Variants in EFCAB13 observed in about 807,000 individuals in gnomAD.
EFCAB13 encodes EF-hand calcium-binding domain-containing protein 13.
Under a neutral mutation model 110.2 loss-of-function variants are expected in EFCAB13, and 91 were observed. The ratio of observed to expected loss-of-function variants is 0.83; its 90% CI spans 0.70 to 0.98. The LOEUF is 0.98. EFCAB13 is among the 50% of genes least tolerant of loss of function. EFCAB13 has a pLI of 0.00. For missense variants in EFCAB13, 968 were observed against 1,119.4 expected (o/e 0.86, Z 1.93); for synonymous variants, 323 against 369.9 (o/e 0.87, Z 1.45).
At chr17:47,413,006 A>G in intron 22 of EFCAB13, 90 bp downstream of exon 22, 1 of 1,353,458 alleles carries the variant, frequency 7.4e-7, no homozygotes, top group Non-Finnish European at 1.0e-6. Flanking sequence ...TAAGATGCTA[A>G]TGGGAGTCAT....
chr17:47,335,812 AACTC>A (rs2065346395), intron 5 of EFCAB13, among the ~76,000 whole-genome samples: 1 of 152,150 alleles, frequency 6.6e-6, no homozygotes, highest in Admixed American at 6.5e-5. Flanking sequence ...ATCTCATGAG[AACTC>A]ACTCAGTATC....
intron 9 of EFCAB13, among the ~76,000 whole-genome samples, chr17:47,351,310 C>T (rs62074456): frequency 0.71 from 93,200 of 131,488 alleles, 30,905 homozygotes; most frequent in Middle Eastern, 0.79. Context: ...TGTGTGCGCG[C>T]GCGCGCGCGC....
chr17:47,393,393 T>C (rs1440772139), intron 15 of EFCAB13, among the ~76,000 whole-genome samples: 1 of 152,200 alleles, frequency 6.6e-6, no homozygotes, highest in Admixed American at 6.5e-5. Flanking sequence ...GAAAATCTCT[T>C]GGACTTAAGT....
In EFCAB13 at chr17:47,429,798, C is replaced by T; in HGVS notation, c.2495-20C>T. On this transcript the variant is annotated intron_variant, in intron 23 of 24. Coordinates refer to ENST00000331493, the MANE Select transcript of EFCAB13 (RefSeq NM_152347.5). ...TCTATTTCTGCTGTTGAAACATTTGCTTTTGCTCTCCTTTTGCAGCTACAC... is the reference window on the plus strand; with the variant it reads ...TCTATTTCTGCTGTTGAAACATTTGTTTTTGCTCTCCTTTTGCAGCTACAC... 6.4e-7 allele frequency: 1 copy of T among 1,566,908 alleles called. No homozygotes were observed. Among genetic ancestry groups the T allele is most frequent in the Non-Finnish European group, 8.7e-7 (1 of 1,150,114 alleles).
intron 6 of EFCAB13, 147 bp from the exon 7 acceptor site, chr17:47,344,015 A>T: frequency 1.2e-6 from 1 of 865,010 alleles, no homozygotes; most frequent in Non-Finnish European, 1.6e-6. Flanking sequence ...AATGTAATTT[A>T]ATTACAAAAG....
chr17:47,375,083 CT>C (rs981987181), intron 12 of EFCAB13, 117 bp downstream of exon 12: 7,118 of 1,020,202 alleles, frequency 7.0e-3, no homozygotes, highest in South Asian at 8.3e-3. Flanking sequence ...ACCACCACTT[CT>C]TTTTTTTTTA....
chr17:47,370,751 T>G (rs1228634808), intron 11 of EFCAB13, among the ~76,000 whole-genome samples: 1 of 149,782 alleles, frequency 6.7e-6, no homozygotes, highest in African/African-American at 2.4e-5. Flanking sequence ...TTTTTTTTTT[T>G]TTTTTTTGAG....
chr17:47,427,724 T>C (rs943998216), intron 23 of EFCAB13, among the ~76,000 whole-genome samples: 12 of 152,082 alleles, frequency 7.9e-5, no homozygotes, highest in Non-Finnish European at 1.3e-4. Context: ...AATTAGCTCA[T>C]TGATGAGTCA....
chr17:47,414,974 G>A (rs1904387425), intron 23 of EFCAB13, 55 bp downstream of exon 23: 2 of 1,330,598 alleles, frequency 1.5e-6, no homozygotes, highest in African/African-American at 3.0e-5. Flanking sequence ...ATTTAAAAAT[G>A]ACATTTAAAA....
At chr17:47,397,537 GC>G (rs2065747937) in intron 17 of EFCAB13, among the ~76,000 whole-genome samples, 1 of 150,678 alleles carries the variant, frequency 6.6e-6, no homozygotes, top group Non-Finnish European at 1.5e-5. Flanking sequence ...GAGCATCTCT[GC>G]CCGGCCGCCA....
At chr17:47,404,530 T>A in intron 19 of EFCAB13, 32 bp from the exon 20 acceptor site, 1 of 1,572,854 alleles carries the variant, frequency 6.4e-7, no homozygotes, top group South Asian at 1.1e-5. Flanking sequence ...GTCTAGGGGT[T>A]CTTGTTTGTC....
chr17:47,407,079 T>C, intron 20 of EFCAB13, among the ~76,000 whole-genome samples: 1 of 152,270 alleles, frequency 6.6e-6, no homozygotes, highest in African/African-American at 2.4e-5. Context: ...TGGGTGAAGT[T>C]AGCTGACAGG....
chr17:47,411,650 G>T (rs1295455820), intron 21 of EFCAB13, among the ~76,000 whole-genome samples: 1 of 152,206 alleles, frequency 6.6e-6, no homozygotes, highest in African/African-American at 2.4e-5. Flanking sequence ...TAGAATGAAT[G>T]TAGGTCTAAG....
At chr17:47,347,774 TTAAC>T (rs2065425983) in intron 8 of EFCAB13, 30 bp from the exon 9 acceptor site, 3 of 1,348,192 alleles carry the variant, frequency 2.2e-6, no homozygotes, top group Non-Finnish European at 2.9e-6. Flanking sequence ...TTCTTTTTGA[TTAAC>T]TAACTAAATG....
At chr17:47,381,510 A>G (rs1190054660) in intron 14 of EFCAB13, among the ~76,000 whole-genome samples, 1 of 152,176 alleles carries the variant, frequency 6.6e-6, no homozygotes, top group Non-Finnish European at 1.5e-5. Flanking sequence ...TATTTAATCC[A>G]TCTTGAGTTA....
chr17:47,349,596 T>A (rs1262292478), intron 9 of EFCAB13, among the ~76,000 whole-genome samples: 1 of 152,120 alleles, frequency 6.6e-6, no homozygotes, highest in African/African-American at 2.4e-5. Context: ...TGTCATTAGT[T>A]AATTCTATTT....
At chr17:47,367,654 A>G (rs2065555313) in intron 10 of EFCAB13, among the ~76,000 whole-genome samples, 1 of 152,136 alleles carries the variant, frequency 6.6e-6, no homozygotes, top group Non-Finnish European at 1.5e-5. Context: ...AACACCCACT[A>G]CGTTTCTGGA....
chr17:47,435,999 T>A (rs2143527629), intron 24 of EFCAB13, among the ~76,000 whole-genome samples: 1 of 152,274 alleles, frequency 6.6e-6, no homozygotes, highest in East Asian at 1.9e-4. Flanking sequence ...CATAAAGAGA[T>A]GCTGGATTTG....
intron 2 of EFCAB13, among the ~76,000 whole-genome samples, chr17:47,325,030 C>CCCCCCTTTTTTTTTTTTTTTTT (rs1187065378): frequency 8.6e-6 from 1 of 116,718 alleles, no homozygotes; most frequent in Non-Finnish European, 1.9e-5. Flanking sequence ...CCCCACCCCC[C>CCCCCCTTTTTTTTTTTTTTTTT]TTTTTTTTTT....
Sources: allele counts gnomAD v4.1 joint callset (sites outside exome capture counted in the v4.1 genomes callset), GRCh38; gene constraint gnomAD v4.1.1; transcripts MANE v1.5; gene names NCBI Gene and HGNC (gene_info 2026-07-23, HGNC 2026-07-21).